CNTN4: variants seen among roughly 807,000 people sequenced by gnomAD.
CNTN4 encodes contactin-4.
CNTN4 carries 77 observed loss-of-function variants against 122.5 expected under a neutral mutation model. That is an observed-to-expected ratio of 0.63 (90% CI 0.52 to 0.76). The LOEUF is 0.76. Ranked by LOEUF, CNTN4 falls within the 30% of genes least tolerant of loss-of-function variation. CNTN4 has a pLI of 0.00. For synonymous variants in CNTN4, 512 were observed against 447.0 expected, an observed-to-expected ratio of 1.15 and a Z score of -1.83; for missense variants, 1,256 against 1,259.1, an observed-to-expected ratio of 1.00 and a Z score of 0.04.
chr3:2,287,722 AAGAAGAAGAAGAAG>A (rs1434512968), intron 2 of CNTN4, among the ~76,000 whole-genome samples: 2 of 65,560 alleles, frequency 3.1e-5, no homozygotes, highest in Non-Finnish European at 6.6e-5. Context: ...GAAGAAGAAG[AAGAAGAAGAAGAAG>A]AAGAAGAAGA....
chr3:2,418,046 C>G (rs189019107), intron 3 of CNTN4, among the ~76,000 whole-genome samples: 5 of 152,168 alleles, frequency 3.3e-5, no homozygotes, highest in African/African-American at 9.6e-5. Context: ...CTATATGATA[C>G]TATAATGATA....
At chr3:2,104,583 T>G (rs2032278883) in intron 2 of CNTN4, among the ~76,000 whole-genome samples, 1 of 152,136 alleles carries the variant, frequency 6.6e-6, no homozygotes, top group Non-Finnish European at 1.5e-5. Flanking sequence ...AGGAGATAAA[T>G]AATCCAGAGA....
Position 2,849,178 on chromosome 3 carries a change from C to G in CNTN4, c.455-17574C>G, listed in dbSNP as rs193204945. On this transcript the variant is annotated intron_variant, in intron 7 of 24. Coordinates refer to ENST00000418658, the MANE Select transcript of CNTN4 (RefSeq NM_175607.3). The stretch of plus-strand genomic sequence containing the variant: ...AAACTTGATTCTCCTAAAACTGTAT[C>G]TCTGCTGAATATATCCCACTATGTC... 4.6e-4 allele frequency among the ~76,000 whole-genome samples: 70 copies of G among 152,338 alleles called. 1 individual carries two copies. In the East Asian group the frequency reaches 0.012, roughly 25 times the overall value.
At chr3:3,047,339 A>G (rs1303366636) in intron 23 of CNTN4, among the ~76,000 whole-genome samples, 1 of 152,208 alleles carries the variant, frequency 6.6e-6, no homozygotes, top group African/African-American at 2.4e-5. Flanking sequence ...TCTCAGCACC[A>G]CATCGCACTT....
At chr3:2,656,439 A>G (rs1375908177) in intron 4 of CNTN4, among the ~76,000 whole-genome samples, 2 of 152,210 alleles carry the variant, frequency 1.3e-5, no homozygotes, top group Non-Finnish European at 2.9e-5. Context: ...ACCAACTGTA[A>G]TCAAAGATTT....
intron 6 of CNTN4, among the ~76,000 whole-genome samples, chr3:2,750,095 G>C (rs1463444573): frequency 6.6e-6 from 1 of 152,118 alleles, no homozygotes; most frequent in Non-Finnish European, 1.5e-5. Flanking sequence ...TTTTAAAAAT[G>C]AAATTGAAGA....
At chr3:3,028,880 A>T (rs1212503311) in intron 15 of CNTN4, among the ~76,000 whole-genome samples, 1 of 152,086 alleles carries the variant, frequency 6.6e-6, no homozygotes, top group East Asian at 1.9e-4. Context: ...CCACACTCAG[A>T]TTGCAAATAC....
chr3:2,844,712 A>G (rs1191835263), intron 7 of CNTN4, among the ~76,000 whole-genome samples: 1 of 152,248 alleles, frequency 6.6e-6, no homozygotes, highest in African/African-American at 2.4e-5. Flanking sequence ...AAGCATATGT[A>G]GAGACTTTTA....
At chr3:2,304,444 C>A (rs1439525154) in intron 2 of CNTN4, among the ~76,000 whole-genome samples, 1 of 151,954 alleles carries the variant, frequency 6.6e-6, no homozygotes, top group Non-Finnish European at 1.5e-5. Context: ...GGGCCAGATT[C>A]TATTAGTACT....
chr3:2,802,207 C>T (rs1027382518), intron 6 of CNTN4, among the ~76,000 whole-genome samples: 11 of 152,182 alleles, frequency 7.2e-5, no homozygotes, highest in African/African-American at 1.9e-4. Flanking sequence ...TGAAATTTAT[C>T]GATAACCCTC....
intron 14 of CNTN4, among the ~76,000 whole-genome samples, chr3:3,001,596 C>A (rs1001842047): frequency 6.6e-6 from 1 of 152,044 alleles, no homozygotes; most frequent in South Asian, 2.1e-4. Context: ...TAAACTGACC[C>A]CAGACCTAAT....
intron 3 of CNTN4, among the ~76,000 whole-genome samples, chr3:2,520,191 A>G (rs931611453): frequency 4.7e-5 from 7 of 149,910 alleles, no homozygotes; most frequent in Admixed American, 2.0e-4. Flanking sequence ...TTTTATTTCT[A>G]CTGGGGTGCT....
chr3:2,456,975 T>A (rs775881282), intron 3 of CNTN4, among the ~76,000 whole-genome samples: 1 of 152,156 alleles, frequency 6.6e-6, no homozygotes, highest in Middle Eastern at 3.2e-3. Flanking sequence ...AGGTGAATAC[T>A]ATTATTATCT....
intron 2 of CNTN4, among the ~76,000 whole-genome samples, chr3:2,155,010 C>G (rs2035657971): frequency 6.6e-6 from 1 of 152,222 alleles, no homozygotes; most frequent in Non-Finnish European, 1.5e-5. Flanking sequence ...CATCCATCTC[C>G]TTCAGATACC....
chr3:2,289,636 T>G (rs1045337698), intron 2 of CNTN4, among the ~76,000 whole-genome samples: 2 of 151,278 alleles, frequency 1.3e-5, no homozygotes, highest in African/African-American at 4.9e-5. Context: ...CAACTTGGGA[T>G]TTTTTTTTAC....
At chr3:2,604,062 A>C (rs530043367) in intron 4 of CNTN4, among the ~76,000 whole-genome samples, 13 of 152,154 alleles carry the variant, frequency 8.5e-5, no homozygotes, top group Non-Finnish European at 1.5e-4. Context: ...GGCTCTTAAC[A>C]TTTCTACTTG....
chr3:2,943,059 A>G (rs1314737217), intron 13 of CNTN4, among the ~76,000 whole-genome samples: 3 of 152,166 alleles, frequency 2.0e-5, no homozygotes, highest in South Asian at 4.1e-4. Context: ...TGTGTCCCCA[A>G]TCTAGATGAG....
chr3:2,359,775 G>T (rs958403877), intron 3 of CNTN4, among the ~76,000 whole-genome samples: 1 of 152,090 alleles, frequency 6.6e-6, no homozygotes, highest in Non-Finnish European at 1.5e-5. Flanking sequence ...TCCTGACCTC[G>T]TGATCCACCC....
intron 13 of CNTN4, among the ~76,000 whole-genome samples, chr3:2,941,548 A>G (rs966993286): frequency 1.3e-5 from 2 of 152,222 alleles, no homozygotes; most frequent in Admixed American, 6.5e-5. Flanking sequence ...TATCCTATGC[A>G]TCAATAAATT....
Sources: allele counts gnomAD v4.1 joint callset (sites outside exome capture counted in the v4.1 genomes callset), GRCh38; gene constraint gnomAD v4.1.1; transcripts MANE v1.5; gene names NCBI Gene and HGNC (gene_info 2026-07-23, HGNC 2026-07-21).